DPP6: variants seen among roughly 807,000 people sequenced by gnomAD.
The protein encoded by DPP6 is A-type potassium channel modulatory protein DPP6.
Under a neutral mutation model 122.6 loss-of-function variants are expected in DPP6, and 69 were observed. The observed-to-expected ratio is 0.56, with a 90% CI of 0.46 to 0.69. The LOEUF (loss-of-function observed/expected upper bound fraction) is 0.69, where lower values mean the gene tolerates loss of function less well. Ranked by LOEUF, DPP6 falls within the 30% of genes least tolerant of loss-of-function variation. The pLI is 0.00. For missense variants in DPP6, 928 were observed against 1,116.9 expected (o/e 0.83, Z 2.41); for synonymous variants, 418 against 433.1 (o/e 0.97, Z 0.43).
Position 154,197,141 on chromosome 7 carries a change from C to T in DPP6, c.243+144078C>T, listed in dbSNP as rs112766905. 1.1e-3 allele frequency among the ~76,000 whole-genome samples: 172 copies of T among 151,958 alleles called. 1 individual carries two copies. Among genetic ancestry groups the T allele is most frequent in the African/African-American group, 3.8e-3 (158 of 41,476 alleles). ...ATTAGATGGTGTATATTTCTGCCACCCACGGCACAGCCTGGTGAATTGCAA... is the reference window on the plus strand; with the variant it reads ...ATTAGATGGTGTATATTTCTGCCACTCACGGCACAGCCTGGTGAATTGCAA... On this transcript the variant is annotated intron_variant, in intron 1 of 25. Coordinates refer to ENST00000377770, the MANE Select transcript of DPP6 (RefSeq NM_130797.4).
At chr7:154,683,143 A>G (rs1444179914) in intron 7 of DPP6, among the ~76,000 whole-genome samples, 2 of 152,182 alleles carry the variant, frequency 1.3e-5, no homozygotes, top group Non-Finnish European at 2.9e-5. Flanking sequence ...TTTTATGGCC[A>G]GGAACTGTTT....
Position 154,727,825 on chromosome 7 carries a change from G to C in DPP6, c.821G>C (p.Arg274Pro). 6.2e-7 allele frequency: 1 copy of C among 1,613,782 alleles called. No individual in the cohort carries two copies. Among genetic ancestry groups the C allele is most frequent in the Non-Finnish European group, 8.5e-7 (1 of 1,179,834 alleles). The change falls in exon 8 of 26, where the codon CGT (arginine) becomes CCT (proline). Residue 274 changes from arginine (R) to proline (P), a missense_variant. Arg to Pro is a moderately radical substitution (Grantham distance 103, BLOSUM62 -2). Coordinates refer to ENST00000377770, the MANE Select transcript of DPP6 (RefSeq NM_130797.4). The part of the protein sequence containing the change: ...YCAHVGKQAI[R>P]VVSTGKEGVI... ...GCACATGTCGGGAAACAGGCCATCCGTGTGGTCTCCACTGGCAAGGAAGGT... is the reference window on the plus strand; with the variant it reads ...GCACATGTCGGGAAACAGGCCATCCCTGTGGTCTCCACTGGCAAGGAAGGT...
chr7:154,559,003 A>T (rs1273874139), intron 4 of DPP6, among the ~76,000 whole-genome samples: 2 of 152,152 alleles, frequency 1.3e-5, no homozygotes, highest in African/African-American at 4.8e-5. Flanking sequence ...ATAAAACATG[A>T]TATATGCAAA....
chr7:154,164,854 A>G (rs1239236755), intron 1 of DPP6, among the ~76,000 whole-genome samples: 1 of 152,114 alleles, frequency 6.6e-6, no homozygotes, highest in Non-Finnish European at 1.5e-5. Context: ...CTGTTCATCC[A>G]TCCATCAGTT....
At chr7:154,773,473 G>A (rs545456926) in intron 10 of DPP6, among the ~76,000 whole-genome samples, 65 of 152,188 alleles carry the variant, frequency 4.3e-4, no homozygotes, top group Middle Eastern at 3.4e-3. Context: ...CAAAACAACT[G>A]ATTTAGGATC....
At chr7:154,886,945 T>C (rs1806199074) in intron 22 of DPP6, among the ~76,000 whole-genome samples, 1 of 152,252 alleles carries the variant, frequency 6.6e-6, no homozygotes, top group African/African-American at 2.4e-5. Context: ...AAGAGGAATC[T>C]TCCCTCAGGA....
intron 1 of DPP6, among the ~76,000 whole-genome samples, chr7:154,012,024 C>A (rs957135669): frequency 1.3e-5 from 2 of 152,136 alleles, no homozygotes; most frequent in Admixed American, 6.5e-5. Flanking sequence ...TATGTAATAT[C>A]TTTTTTTAAT....
the DPP6 span, among the ~76,000 whole-genome samples, chr7:153,881,169 A>C: frequency 1.3e-5 from 2 of 152,268 alleles, no homozygotes; most frequent in Non-Finnish European, 2.9e-5. Context: ...CTCATCAGTC[A>C]GTGTGAAAGT....
intron 5 of DPP6, among the ~76,000 whole-genome samples, chr7:154,583,193 G>T (rs180838034): frequency 1.8e-4 from 28 of 152,336 alleles, no homozygotes; most frequent in African/African-American, 6.0e-4. Flanking sequence ...CCACAGACTG[G>T]GCAGCTTAAA....
At position 154,824,475 on chromosome 7, in the gene DPP6, C is replaced by T. The variant is rs1800012855; in HGVS notation, c.1666+17363C>T. On this transcript the variant is annotated intron_variant, in intron 16 of 25. Transcript: ENST00000377770. ...TGTATTTTTAGTAGAGACAGGGTTT[C>T]ACCGTGTTGGCCAGGCTGGTCTCAA... Among the ~76,000 whole-genome samples, 5 of 152,292 alleles carry T rather than the reference C, an allele frequency of 3.3e-5. No homozygotes were observed. The South Asian group carries it at 1.0e-3, about 32-fold the overall frequency.
chr7:154,714,385 G>C (rs1164599359), intron 7 of DPP6, among the ~76,000 whole-genome samples: 4 of 152,168 alleles, frequency 2.6e-5, no homozygotes, highest in Non-Finnish European at 4.4e-5. Context: ...GTATTAGTCT[G>C]TTCTCACACT....
At chr7:154,270,914 C>T (rs1782632516) in intron 1 of DPP6, among the ~76,000 whole-genome samples, 1 of 152,196 alleles carries the variant, frequency 6.6e-6, no homozygotes, top group African/African-American at 2.4e-5. Flanking sequence ...AACACTGCCC[C>T]AGTCCGTGTG....
intron 1 of DPP6, among the ~76,000 whole-genome samples, chr7:154,355,100 G>A (rs907495687): frequency 1.3e-5 from 2 of 152,152 alleles, no homozygotes; most frequent in Non-Finnish European, 2.9e-5. Context: ...CATTTCTTAG[G>A]TGACTTGAGC....
At chr7:154,852,612 T>A (rs893989286) in intron 16 of DPP6, among the ~76,000 whole-genome samples, 1 of 152,092 alleles carries the variant, frequency 6.6e-6, no homozygotes, top group Non-Finnish European at 1.5e-5. Context: ...CGAGCACAAC[T>A]CTATTCAAAA....
intron 3 of DPP6, among the ~76,000 whole-genome samples, chr7:154,495,406 G>A (rs1299075273): frequency 1.3e-5 from 2 of 149,384 alleles, no homozygotes; most frequent in African/African-American, 2.5e-5. Flanking sequence ...TTTTTTTGTT[G>A]TTGTTGTTGT....
chr7:154,651,570 G>A (rs753489117), intron 6 of DPP6, among the ~76,000 whole-genome samples: 12 of 152,120 alleles, frequency 7.9e-5, no homozygotes, highest in Non-Finnish European at 1.6e-4. Flanking sequence ...ATCCTTTGCA[G>A]TGCCGCGGGG....
At chr7:154,129,504 T>C (rs1445646408) in intron 1 of DPP6, among the ~76,000 whole-genome samples, 1 of 152,230 alleles carries the variant, frequency 6.6e-6, no homozygotes, top group Non-Finnish European at 1.5e-5. Flanking sequence ...GGCAAACACC[T>C]GTAATGCCAG....
intron 5 of DPP6, among the ~76,000 whole-genome samples, chr7:154,620,319 A>C (rs140019296): frequency 2.6e-5 from 4 of 152,326 alleles, no homozygotes; most frequent in African/African-American, 9.6e-5. Context: ...ATCACTTTTT[A>C]ATGTCAGTTT....
intron 3 of DPP6, among the ~76,000 whole-genome samples, chr7:154,515,501 C>T (rs1205581486): frequency 2.0e-5 from 3 of 151,804 alleles, no homozygotes; most frequent in Non-Finnish European, 4.4e-5. Context: ...TTTCCCTTCC[C>T]CTTCCTTCCT....
Sources: allele counts gnomAD v4.1 joint callset (sites outside exome capture counted in the v4.1 genomes callset), GRCh38; gene constraint gnomAD v4.1.1; transcripts MANE v1.5; gene names NCBI Gene and HGNC (gene_info 2026-07-23, HGNC 2026-07-21).